The following HMOX1 variants were observed in gnomAD, a reference collection of about 807,000 sequenced individuals.
The protein encoded by HMOX1 is heme oxygenase 1.
A neutral mutation model predicts 27.8 loss-of-function variants in HMOX1; 22 were observed. That is an observed-to-expected ratio of 0.79 (90% CI 0.57 to 1.13). The LOEUF is 1.13. HMOX1 is among the 50% of genes most tolerant of loss of function. HMOX1 has a pLI of 0.00. For missense variants in HMOX1, 379 were observed against 377.7 expected, an observed-to-expected ratio of 1.00 and a Z score of -0.03; for synonymous variants, 153 against 151.6, an observed-to-expected ratio of 1.01 and a Z score of -0.07.
chr22:35,388,494 C>T (rs1028790163), intron 3 of HMOX1, among the ~76,000 whole-genome samples: 5 of 151,082 alleles, frequency 3.3e-5, no homozygotes, highest in African/African-American at 9.7e-5. Context: ...CAAAAAAAAA[C>T]GGCTCTTGGC....
chr22:35,382,069 T>C (rs1046296976), intron 1 of HMOX1, among the ~76,000 whole-genome samples: 1 of 152,174 alleles, frequency 6.6e-6, no homozygotes, highest in Admixed American at 6.5e-5. Context: ...GATTTGCATC[T>C]GGAACTTTAA....
At chr22:35,382,609 C>T (rs56033205) in intron 1 of HMOX1, among the ~76,000 whole-genome samples, 5,350 of 145,326 alleles carry the variant, frequency 0.037, 112 homozygotes, top group Middle Eastern at 0.093. Flanking sequence ...GTGATCTGCC[C>T]GCCTCAGCCT....
intron 3 of HMOX1, among the ~76,000 whole-genome samples, chr22:35,389,336 TTC>T (rs1304554245): frequency 8.4e-6 from 1 of 118,392 alleles, no homozygotes; most frequent in Non-Finnish European, 1.7e-5. Context: ...CTTTCTTTCT[TTC>T]TTCTCCTTCC....
intron 4 of HMOX1, among the ~76,000 whole-genome samples, chr22:35,393,082 A>G (rs1931762107): frequency 6.6e-6 from 1 of 152,178 alleles, no homozygotes; most frequent in Admixed American, 6.6e-5. Flanking sequence ...CCTGCTTTCT[A>G]GCTCCTGCCC....
chr22:35,389,907 A>T lies in HMOX1; in HGVS notation c.680A>T (p.Asp227Val). 6.2e-7 allele frequency: 1 copy of T among 1,612,076 alleles called. No individual in the cohort carries two copies. Among genetic ancestry groups the T allele is most frequent in the Non-Finnish European group, 8.5e-7 (1 of 1,179,764 alleles). The change falls in exon 4 of 5, where the codon GAC becomes GTC. Residue 227 changes from aspartate to valine, a missense_variant. Asp to Val is a radical substitution (Grantham distance 152, BLOSUM62 -3). Coordinates refer to ENST00000216117, the MANE Select transcript of HMOX1 (RefSeq NM_002133.3). ...LQELLTHDTK[D>V]QSPSRAPGLR... ...GAGCTGCTGACCCATGACACCAAGGACCAGAGCCCCTCACGGGCACCAGGG... is the reference window on the plus strand; with the variant it reads ...GAGCTGCTGACCCATGACACCAAGGTCCAGAGCCCCTCACGGGCACCAGGG...
At position 35,382,517 on chromosome 22, in the gene HMOX1, A is replaced by ATTTT. The variant is rs58712001; in HGVS notation, c.24-575_24-572dup. On this transcript the variant is annotated intron_variant, in intron 1 of 4. Transcript: ENST00000216117. ...CAGGCGCCCACTACCATGCCCGGCTATTTTTTTTTTTTTTTTTGTATTTTT... is the reference window on the plus strand; with the variant it reads ...CAGGCGCCCACTACCATGCCCGGCTATTTTTTTTTTTTTTTTTTTTTGTATTTTT... Among the ~76,000 whole-genome samples the ATTTT allele has an allele frequency of 2.4e-4, 29 of 119,480 alleles. No individual in the cohort carries two copies. The South Asian group carries it at 7.3e-3, about 30-fold the overall frequency. 78.4% of individuals were successfully genotyped at this position (119,480 alleles called of 152,430 possible).
chr22:35,387,257 G>T, intron 3 of HMOX1, 81 bp downstream of exon 3: 1 of 1,545,660 alleles, frequency 6.5e-7, no homozygotes. Context: ...AGGGGAGGGT[G>T]CTATAGGTCA....
At chr22:35,385,922 C>A (rs534965015) in intron 2 of HMOX1, among the ~76,000 whole-genome samples, 2 of 151,396 alleles carry the variant, frequency 1.3e-5, no homozygotes, top group East Asian at 3.9e-4. Flanking sequence ...TGAGCCACCG[C>A]GTCCAGCTGG....
chr22:35,394,004 T>C lies in HMOX1; in HGVS notation c.*406T>C. 3.2e-6 allele frequency: 1 copy of C among 316,930 alleles called. No individual in the cohort carries two copies. Among genetic ancestry groups the C allele is most frequent in the Non-Finnish European group, 6.2e-6 (1 of 161,194 alleles). The allele number at this position is 316,930 out of a possible 1,614,324, so 19.6% of individuals were successfully genotyped here. ...TACACAAACCTGAAAAGATGTTGTG[T>C]CTTGTGTTTTTGTCTTATTTTTGTT... On this transcript the variant is annotated 3_prime_UTR_variant, in exon 5 of 5. Transcript: ENST00000216117.
At chr22:35,383,638 C>T (rs1429978928) in intron 2 of HMOX1, among the ~76,000 whole-genome samples, 1 of 152,198 alleles carries the variant, frequency 6.6e-6, no homozygotes, top group Non-Finnish European at 1.5e-5. Flanking sequence ...CAGCCTTGTA[C>T]TCCTTGTATT....
intron 3 of HMOX1, 78 bp downstream of exon 3, chr22:35,387,254 G>T: frequency 6.5e-7 from 1 of 1,549,194 alleles, no homozygotes; most frequent in Non-Finnish European, 8.9e-7. Context: ...TGTAGGGGAG[G>T]GTGCTATAGG....
chr22:35,383,916 G>A (rs1004470118), intron 2 of HMOX1, among the ~76,000 whole-genome samples: 1 of 152,004 alleles, frequency 6.6e-6, no homozygotes, highest in Non-Finnish European at 1.5e-5. Context: ...ATGAAGAACC[G>A]GGAAGATACT....
chr22:35,389,771 A>C, intron 3 of HMOX1, 93 bp from the exon 4 acceptor site: 1 of 881,564 alleles, frequency 1.1e-6, no homozygotes, highest in Non-Finnish European at 1.9e-6. Flanking sequence ...GTTATTTCCA[A>C]AGTATTTCCT....
chr22:35,389,268 C>CTT (rs1569057194), intron 3 of HMOX1, among the ~76,000 whole-genome samples: 1 of 123,278 alleles, frequency 8.1e-6, no homozygotes, highest in Admixed American at 7.6e-5. Context: ...CTCTCTCTCT[C>CTT]TCTCTCCTCT....
At position 35,386,900 on chromosome 22, in the gene HMOX1, G is replaced by A; in HGVS notation, c.360G>A (p.Glu120=). The change falls in exon 3 of 5, where the codon GAG becomes GAA. Residue 120 remains glutamate, a synonymous_variant. Transcript: ENST00000216117. ...AMQRYVKRLH[E]VGRTEPELLV... ...AGCGCTATGTGAAGCGGCTCCACGAGGTGGGGCGCACAGAGCCCGAGCTGC... is the reference window on the plus strand; with the variant it reads ...AGCGCTATGTGAAGCGGCTCCACGAAGTGGGGCGCACAGAGCCCGAGCTGC... The A allele has an allele frequency of 6.2e-7, 1 of 1,614,074 alleles. No homozygotes were observed. Among genetic ancestry groups the A allele is most frequent in the African/African-American group, 1.3e-5 (1 of 75,072 alleles).
chr22:35,389,395 C>CCTTCCTTTCTTCCTTTCTTTCTTTCTTT, intron 3 of HMOX1, among the ~76,000 whole-genome samples: 1 of 51,812 alleles, frequency 1.9e-5, no homozygotes, highest in Non-Finnish European at 3.4e-5. Flanking sequence ...TTCCTTCCTT[C>CCTTCCTTTCTTCCTTTCTTTCTTTCTTT]CTTTCTTTCT....
chr22:35,383,778 G>A (rs748451080), intron 2 of HMOX1, among the ~76,000 whole-genome samples: 1 of 152,122 alleles, frequency 6.6e-6, no homozygotes, highest in Non-Finnish European at 1.5e-5. Context: ...CCTAAGCCAC[G>A]TTTTCCCCAT....
intron 1 of HMOX1, among the ~76,000 whole-genome samples, chr22:35,382,314 ATTTGT>A (rs1428184560): frequency 2.0e-5 from 3 of 150,032 alleles, no homozygotes; most frequent in Non-Finnish European, 4.5e-5. Context: ...CCCAGCCTGA[ATTTGT>A]TTTTTGTTTT....
At position 35,389,953 on chromosome 22, in the gene HMOX1, C is replaced by G; in HGVS notation, c.726C>G (p.Asn242Lys). 6.2e-7 allele frequency: 1 copy of G among 1,610,480 alleles called. No homozygotes were observed. The highest frequency in any genetic ancestry group is 8.5e-7 in the Non-Finnish European group (1 of 1,179,008). ...CAGGGCTTCGCCAGCGGGCCAGCAA[C>G]AAAGTGCAAGGTGAGAGCATCCAGG... ...RAPGLRQRAS[N>K]KVQDSAPVET... Residue 242 changes from asparagine to lysine, a missense_variant, in exon 4 of 5, where the codon AAC becomes AAG. Asn to Lys is a moderately conservative substitution (Grantham distance 94). Coordinates refer to ENST00000216117, the MANE Select transcript of HMOX1 (RefSeq NM_002133.3).
Sources: allele counts gnomAD v4.1 joint callset (sites outside exome capture counted in the v4.1 genomes callset), GRCh38; gene constraint gnomAD v4.1.1; transcripts MANE v1.5; gene names NCBI Gene and HGNC (gene_info 2026-07-23, HGNC 2026-07-21).